Variants in B4GALNT4 observed in about 807,000 individuals in gnomAD.
B4GALNT4 encodes the protein N-acetyl-beta-glucosaminyl-glycoprotein 4-beta-N-acetylgalactosaminyltransferase 1.
Under a neutral mutation model 110.0 loss-of-function variants are expected in B4GALNT4, and 77 were observed. That is an observed-to-expected ratio of 0.70 (90% CI 0.58 to 0.85). B4GALNT4 has a LOEUF of 0.85. Among genes scored for constraint, B4GALNT4 ranks in the 40% least tolerant of loss-of-function variants. B4GALNT4 has a pLI of 0.00. For missense variants in B4GALNT4, 1,575 were observed against 1,506.0 expected (o/e 1.05, Z -0.76); for synonymous variants, 785 against 655.5 (o/e 1.20, Z -3.02).
chr11:377,694 G>A (rs1333722315), intron 14 of B4GALNT4, among the ~76,000 whole-genome samples: 1 of 152,214 alleles, frequency 6.6e-6, no homozygotes, highest in African/African-American at 2.4e-5. Flanking sequence ...CCCCATTCCG[G>A]GGGGGCCAGG....
At chr11:373,716 T>G (rs1282784887) in intron 7 of B4GALNT4, 34 bp from the exon 8 acceptor site, 3 of 1,607,458 alleles carry the variant, frequency 1.9e-6, no homozygotes, top group Non-Finnish European at 2.6e-6. Context: ...GAGCGTCCTG[T>G]GCATGGCACG....
Position 373,827 on chromosome 11 carries a change from G to A in B4GALNT4, c.782G>A (p.Gly261Asp). ...DDRGSDHVEVGWRAFLPGLKF... is the reference protein window; with the variant it reads ...DDRGSDHVEVDWRAFLPGLKF... The stretch of plus-strand genomic sequence containing the variant: ...CGCGGCTCGGACCACGTGGAAGTGG[G>A]CGTGAGTGCCTTCCTCCCCTGGGGG... The change falls in exon 8 of 20, where the codon GGC becomes GAC. Residue 261 changes from glycine (G) to aspartate (D), a missense_variant and splice_region_variant. Gly to Asp is a moderately conservative substitution (Grantham distance 94, BLOSUM62 -1). Coordinates refer to ENST00000329962, the MANE Select transcript of B4GALNT4 (RefSeq NM_178537.5). 1.2e-6 allele frequency: 2 copies of A among 1,611,644 alleles called. No homozygotes were observed. Among genetic ancestry groups the A allele is most frequent in the South Asian group, 1.1e-5 (1 of 91,082 alleles).
At position 372,222 on chromosome 11, in the gene B4GALNT4, G is replaced by T; in HGVS notation, c.255+10G>T. On this transcript the variant is annotated intron_variant, in intron 2 of 19. Coordinates refer to ENST00000329962, the MANE Select transcript of B4GALNT4 (RefSeq NM_178537.5). Reference sequence around the variant, plus strand: ...TGAAGAGGAGCAAGCGGTGAGCAGAGCCCTGGGGAGAACACGTGTGCACGG... The same window carrying T: ...TGAAGAGGAGCAAGCGGTGAGCAGATCCCTGGGGAGAACACGTGTGCACGG... 1 of 1,549,416 alleles carries T rather than the reference G, an allele frequency of 6.5e-7. No individual in the cohort carries two copies. Among genetic ancestry groups the T allele is most frequent in the Non-Finnish European group, 8.7e-7 (1 of 1,146,174 alleles).
Position 369,878 on chromosome 11 carries a change from C to G in B4GALNT4, c.75C>G (p.Ala25=). 2.0e-6 allele frequency: 2 copies of G among 993,808 alleles called. No homozygotes were observed. Among genetic ancestry groups the G allele is most frequent in the Non-Finnish European group, 2.4e-6 (2 of 836,496 alleles). The allele number at this position is 993,808 out of a possible 1,614,324, so 61.6% of individuals were successfully genotyped here. The change falls in exon 1 of 20, where the codon GCC becomes GCG. Residue 25 remains alanine (A), a synonymous_variant. Coordinates refer to ENST00000329962, the MANE Select transcript of B4GALNT4 (RefSeq NM_178537.5). ...LLLLLLLLSC[A]AWLTYVHLGL... ...TGCTGCTGCTGCTGCTGAGCTGCGC[C>G]GCGTGGCTCACCTACGTGCACCTGG...
At chr11:370,996 C>G (rs1846609429) in intron 1 of B4GALNT4, among the ~76,000 whole-genome samples, 1 of 152,176 alleles carries the variant, frequency 6.6e-6, no homozygotes. Flanking sequence ...AGCCCCACCC[C>G]AGCTATCAGC....
rs756334719 is a variant in B4GALNT4 at position 373,014 on chromosome 11, C to G, written c.445-12C>G. 3 of 1,612,408 alleles carry G rather than the reference C, an allele frequency of 1.9e-6. No homozygotes were observed. The highest frequency in any genetic ancestry group is 2.2e-5 in the East Asian group (1 of 44,894). Reference sequence around the variant, plus strand: ...CAGGGGGCTTCGACAGCAACAGTCACTGCCCCCCCAGACGCGCACCACCGT... The same window carrying G: ...CAGGGGGCTTCGACAGCAACAGTCAGTGCCCCCCCAGACGCGCACCACCGT... On this transcript the variant is annotated splice_polypyrimidine_tract_variant and intron_variant, in intron 4 of 19. Transcript: ENST00000329962.
intron 18 of B4GALNT4, 94 bp downstream of exon 18, chr11:380,539 G>T: frequency 6.8e-7 from 1 of 1,465,988 alleles, no homozygotes; most frequent in African/African-American, 1.4e-5. Context: ...AATTCCCAGG[G>T]GAGGCCTGGG....
In B4GALNT4 at chr11:369,989, G is replaced by GC. The variant is rs1846581700; in HGVS notation, c.151+35_151+36insC. ...GGGGGGCGCGGGGGGCGCGGGGGGC[G>GC]GGGGCGGCGCGGGGGGCGCGGGGGG... On this transcript the variant is annotated intron_variant, in intron 1 of 19. Transcript: ENST00000329962. 9.5e-5 allele frequency: 30 copies of GC among 315,350 alleles called. 1 individual carries two copies. The highest frequency in any genetic ancestry group is 1.9e-4 in the East Asian group (1 of 5,160). The allele number at this position is 315,350 out of a possible 1,614,324, so 19.5% of individuals were successfully genotyped here. A position where few individuals can be genotyped will look rare whatever the true frequency, so the allele number is the denominator to read the frequency against.
In B4GALNT4 at chr11:375,784, G is replaced by A. The variant is rs745706436; in HGVS notation, c.985+11G>A. The A allele has an allele frequency of 4.4e-6, 7 of 1,600,354 alleles. No individual in the cohort carries two copies. The highest frequency in any genetic ancestry group is 5.9e-6 in the Non-Finnish European group (7 of 1,176,886). On this transcript the variant is annotated intron_variant, in intron 10 of 19. Coordinates refer to ENST00000329962, the MANE Select transcript of B4GALNT4 (RefSeq NM_178537.5). ...ATACCTTTTTCCTCAGTGAGAGGGG[G>A]CCCGCGCGGGGGCGAGGGCGGGGGT...
intron 8 of B4GALNT4, 27 bp from the exon 9 acceptor site, chr11:375,434 C>T: frequency 1.2e-6 from 2 of 1,610,748 alleles, no homozygotes; most frequent in South Asian, 2.2e-5. Flanking sequence ...CGCCCTGTCC[C>T]TGACCCCCAC....
At position 373,568 on chromosome 11, in the gene B4GALNT4, G is replaced by A. The variant is rs753674304; in HGVS notation, c.704+52G>A. ...TGCACTTGTGTATTCGTGGGAGGGG[G>A]TTACGCGCTGTCTCCTTATCCTGTG... is the stretch of plus-strand genomic sequence containing the variant. On this transcript the variant is annotated intron_variant, in intron 7 of 19. Transcript: ENST00000329962. 2.5e-6 allele frequency: 4 copies of A among 1,581,730 alleles called. No homozygotes were observed. The African/African-American group carries it at 5.4e-5, about 21-fold the overall frequency.
intron 6 of B4GALNT4, 42 bp from the exon 7 acceptor site, chr11:373,407 A>ATGGGG: frequency 1.2e-6 from 1 of 821,210 alleles, no homozygotes; most frequent in Non-Finnish European, 1.8e-6. Context: ...GGAGAGAGTG[A>ATGGGG]ACCCCCCCCC....
At position 379,847 on chromosome 11, in the gene B4GALNT4, C is replaced by G. The variant is rs751468671; in HGVS notation, c.2489-19C>G. 5.4e-5 allele frequency: 86 copies of G among 1,578,228 alleles called. No homozygotes were observed. Among genetic ancestry groups the G allele is most frequent in the East Asian group, 4.9e-4 (22 of 44,446 alleles). Reference sequence around the variant, plus strand: ...GAGTCAGCGTCGGCTCAGCGCCCCCCCCGCCTTTTCTCCTCCAGTGAAAAA... The same window carrying G: ...GAGTCAGCGTCGGCTCAGCGCCCCCGCCGCCTTTTCTCCTCCAGTGAAAAA... On this transcript the variant is annotated intron_variant, in intron 15 of 19. Transcript: ENST00000329962.
intron 17 of B4GALNT4, 23 bp downstream of exon 17, chr11:380,225 G>T (rs772491399): frequency 1.2e-6 from 2 of 1,605,386 alleles, no homozygotes; most frequent in Middle Eastern, 1.7e-4. Flanking sequence ...CATGGGGGTC[G>T]GGGAGCAAAA....
In B4GALNT4 at chr11:376,841, G is replaced by T; in HGVS notation, c.1718G>T (p.Arg573Leu). 1 of 1,326,580 alleles carries T rather than the reference G, an allele frequency of 7.5e-7. No individual in the cohort carries two copies. The highest frequency in any genetic ancestry group is 9.6e-7 in the Non-Finnish European group (1 of 1,038,958). 82.2% of individuals were successfully genotyped at this position (1,326,580 alleles called of 1,614,324 possible). The change falls in exon 14 of 20, where the codon CGG (arginine) becomes CTG (leucine). Residue 573 changes from arginine (R) to leucine (L), a missense_variant. Physicochemically the swap from Arg to Leu is moderately radical, Grantham distance 102. Coordinates refer to ENST00000329962, the MANE Select transcript of B4GALNT4 (RefSeq NM_178537.5). The stretch of plus-strand genomic sequence containing the variant: ...CTGCGGGCGCCCCCACGCCCACCCC[G>T]GCCCCACGGCCGCAGGACCGGCGGC... ...VQLRAPPRPPRPHGRRTGGPQ... is the reference protein window; with the variant it reads ...VQLRAPPRPPLPHGRRTGGPQ...
intron 8 of B4GALNT4, among the ~76,000 whole-genome samples, chr11:374,527 G>A (rs1486050198): frequency 1.4e-5 from 2 of 142,064 alleles, no homozygotes; most frequent in South Asian, 2.5e-4. Flanking sequence ...GGAGGCCCCA[G>A]GATGAGGTGG....
Position 373,450 on chromosome 11 carries a change from C to G in B4GALNT4, c.638C>G (p.Thr213Ser), listed in dbSNP as rs765709934. 3.1e-6 allele frequency: 5 copies of G among 1,608,452 alleles called. No individual in the cohort carries two copies. Among genetic ancestry groups the G allele is most frequent in the Non-Finnish European group, 4.2e-6 (5 of 1,177,052 alleles). Residue 213 changes from threonine to serine, a missense_variant and splice_region_variant, in exon 7 of 20, where the codon ACT (threonine) becomes AGT (serine). By Grantham distance (58) the Thr-to-Ser change is moderately conservative. Coordinates refer to ENST00000329962, the MANE Select transcript of B4GALNT4 (RefSeq NM_178537.5). The stretch of plus-strand genomic sequence containing the variant: ...CACCCCTGCTCTATCACCCCCCAGA[C>G]TGGCTCCGAGTGGACAGCGCCTGGA... Reference protein sequence around the residue: ...AAQLVAFVGKTGSEWTAPGEF... With the variant: ...AAQLVAFVGKSGSEWTAPGEF...
At chr11:373,544 G>A (rs1011299258) in intron 7 of B4GALNT4, 28 bp downstream of exon 7, 12 of 1,608,744 alleles carry the variant, frequency 7.5e-6, no homozygotes, top group Non-Finnish European at 1.0e-5. Context: ...GCATGTGCGT[G>A]CACTTGTGTA....
Position 375,490 on chromosome 11 carries a change from C to T in B4GALNT4, c.813C>T (p.Phe271=), listed in dbSNP as rs1450507500. The part of the protein sequence containing the change: ...GWRAFLPGLK[F]EVISSAHISL... ...GAGCTTTCCTGCCCGGCCTGAAGTT[C>T]GAGGTCATCAGCTCTGCTCACATCT... is the stretch of plus-strand genomic sequence containing the variant. The change falls in exon 9 of 20, where the codon TTC becomes TTT. Residue 271 remains phenylalanine (F), a synonymous_variant. Transcript: ENST00000329962. 1.9e-6 allele frequency: 3 copies of T among 1,611,746 alleles called. No homozygotes were observed. The highest frequency in any genetic ancestry group is 1.7e-5 in the Admixed American group (1 of 59,988).
Sources: allele counts gnomAD v4.1 joint callset (sites outside exome capture counted in the v4.1 genomes callset), GRCh38; gene constraint gnomAD v4.1.1; transcripts MANE v1.5; gene names NCBI Gene and HGNC (gene_info 2026-07-23, HGNC 2026-07-21).